The following ARHGAP26 variants were observed in gnomAD, a reference collection of about 807,000 sequenced individuals.
ARHGAP26 encodes the protein Rho GTPase activating protein 26, also known as rho GTPase-activating protein 26.
A neutral mutation model predicts 104.8 loss-of-function variants in ARHGAP26; 38 were observed. The ratio of observed to expected loss-of-function variants is 0.36; its 90% confidence interval spans 0.28 to 0.48. The LOEUF (loss-of-function observed/expected upper bound fraction) is 0.48. Ranked by LOEUF, ARHGAP26 falls within the 20% of genes least tolerant of loss-of-function variation. The pLI is 0.99. For missense variants in ARHGAP26, 704 were observed against 947.9 expected, an observed-to-expected ratio of 0.74 and a Z score of 3.38; for synonymous variants, 341 against 340.0, an observed-to-expected ratio of 1.00 and a Z score of -0.03.
chr5:143,157,329 T>C (rs1800605702), intron 20 of ARHGAP26, among the ~76,000 whole-genome samples: 1 of 151,944 alleles, frequency 6.6e-6, no homozygotes. Flanking sequence ...GGTGCACACC[T>C]CCACATCCAG....
At chr5:143,096,440 A>G (rs545367666) in intron 17 of ARHGAP26, among the ~76,000 whole-genome samples, 1 of 152,328 alleles carries the variant, frequency 6.6e-6, no homozygotes, top group African/African-American at 2.4e-5. Context: ...GTGTCTGCCA[A>G]ATACCCAAGT....
chr5:143,177,645 A>G (rs1181227918), intron 20 of ARHGAP26, among the ~76,000 whole-genome samples: 1 of 152,150 alleles, frequency 6.6e-6, no homozygotes, highest in Non-Finnish European at 1.5e-5. Flanking sequence ...ACTACAAAAT[A>G]TATTTATAGT....
At chr5:142,858,061 C>CGTG (rs1167077850) in intron 1 of ARHGAP26, among the ~76,000 whole-genome samples, 3 of 134,316 alleles carry the variant, frequency 2.2e-5, no homozygotes, top group Admixed American at 1.5e-4. Context: ...GAGAGAGAAT[C>CGTG]TGTGTGTGTG....
At chr5:142,961,212 T>C (rs1770167090) in intron 11 of ARHGAP26, among the ~76,000 whole-genome samples, 1 of 152,122 alleles carries the variant, frequency 6.6e-6, no homozygotes, top group Non-Finnish European at 1.5e-5. Flanking sequence ...GGATCCACGC[T>C]GGGCACGGTG....
intron 1 of ARHGAP26, among the ~76,000 whole-genome samples, chr5:142,831,148 T>G (rs1768343180): frequency 2.6e-5 from 4 of 152,198 alleles, no homozygotes; most frequent in African/African-American, 9.7e-5. Context: ...GGTTCCCTGA[T>G]TTGCTGTCTC....
intron 20 of ARHGAP26, among the ~76,000 whole-genome samples, chr5:143,161,782 A>G (rs1201375667): frequency 1.3e-5 from 2 of 152,226 alleles, no homozygotes; most frequent in Admixed American, 6.5e-5. Flanking sequence ...GTTTGTGATT[A>G]TGCTAAAAAG....
intron 17 of ARHGAP26, among the ~76,000 whole-genome samples, chr5:143,090,596 C>T (rs1350446254): frequency 2.0e-5 from 3 of 152,096 alleles, no homozygotes; most frequent in Non-Finnish European, 4.4e-5. Flanking sequence ...AAACCTCAGC[C>T]CCCATAGAAG....
intron 1 of ARHGAP26, among the ~76,000 whole-genome samples, chr5:142,869,382 TA>T (rs1374566087): frequency 8.4e-5 from 12 of 142,182 alleles, no homozygotes; most frequent in African/African-American, 3.3e-4. Flanking sequence ...TATTTTATTT[TA>T]TTTTTTTTTG....
At chr5:143,138,258 TC>T (rs1343449675) in intron 19 of ARHGAP26, among the ~76,000 whole-genome samples, 1 of 152,142 alleles carries the variant, frequency 6.6e-6, no homozygotes. Flanking sequence ...GGGACTTAGG[TC>T]AGTTATAAGA....
chr5:142,945,782 A>G (rs1400760416), intron 11 of ARHGAP26, among the ~76,000 whole-genome samples: 1 of 152,250 alleles, frequency 6.6e-6, no homozygotes, highest in Non-Finnish European at 1.5e-5. Flanking sequence ...ACACAGTACA[A>G]TGATCAGACC....
At chr5:143,083,455 A>AT (rs773937520) in intron 17 of ARHGAP26, among the ~76,000 whole-genome samples, 13 of 152,164 alleles carry the variant, frequency 8.5e-5, no homozygotes, top group Non-Finnish European at 1.6e-4. Context: ...CACAGTAAAT[A>AT]TTTTTTGAGT....
At chr5:143,035,311 T>A (rs1295675947) in intron 12 of ARHGAP26, among the ~76,000 whole-genome samples, 1 of 152,102 alleles carries the variant, frequency 6.6e-6, no homozygotes, top group African/African-American at 2.4e-5. Context: ...AGTCAACAAG[T>A]GGATAAAGAA....
chr5:143,116,193 G>A lies in ARHGAP26; in HGVS notation c.1539-4795G>A, dbSNP rs929912290. ...GCTACTATTATAGAGTTATTATATA[G>A]GTCAGATAAATGTAAAAAGTTGTTG... On this transcript the variant is annotated intron_variant, in intron 17 of 22. Transcript: ENST00000645722. Among the ~76,000 whole-genome samples, 6 of 152,248 alleles carry A rather than the reference G, an allele frequency of 3.9e-5. No homozygotes were observed. The South Asian group carries it at 1.2e-3, about 32-fold the overall frequency.
chr5:142,913,335 A>T (rs772380647), intron 10 of ARHGAP26, 42 bp downstream of exon 10: 201 of 1,547,770 alleles, frequency 1.3e-4, no homozygotes, highest in Non-Finnish European at 1.7e-4. Flanking sequence ...AATAGAGCTG[A>T]ATTTCTATAT....
chr5:143,139,977 C>A (rs551355493), intron 19 of ARHGAP26, among the ~76,000 whole-genome samples: 35 of 152,312 alleles, frequency 2.3e-4, no homozygotes, highest in African/African-American at 8.2e-4. Context: ...AGGATTTATT[C>A]TGTCCCAAAT....
At chr5:142,797,430 C>T (rs1485247925) in intron 1 of ARHGAP26, among the ~76,000 whole-genome samples, 1 of 152,208 alleles carries the variant, frequency 6.6e-6, no homozygotes, top group African/African-American at 2.4e-5. Context: ...GAAGCTGTCC[C>T]TCAAAGGTGA....
Position 143,058,821 on chromosome 5 carries a change from A to G in ARHGAP26, c.1538+1074A>G, listed in dbSNP as rs557078812. On this transcript the variant is annotated intron_variant, in intron 17 of 22. Transcript: ENST00000645722. ...ATTTCCTCATTTCCATCAAGAAGCC[A>G]AGAGTGTCTTGTGTGTTATTGGGAA... is the stretch of plus-strand genomic sequence containing the variant. Among the ~76,000 whole-genome samples the G allele has an allele frequency of 3.9e-5, 6 of 152,340 alleles. No homozygotes were observed. In the East Asian group the frequency reaches 1.2e-3, roughly 29 times the overall value.
intron 1 of ARHGAP26, among the ~76,000 whole-genome samples, chr5:142,772,095 G>A (rs1755325535): frequency 6.6e-6 from 1 of 152,226 alleles, no homozygotes; most frequent in African/African-American, 2.4e-5. Flanking sequence ...GAGTAGAGTC[G>A]TAGCTGTGGG....
intron 11 of ARHGAP26, among the ~76,000 whole-genome samples, chr5:142,998,729 C>T (rs941154938): frequency 1.4e-4 from 22 of 151,964 alleles, no homozygotes; most frequent in Admixed American, 1.3e-3. Flanking sequence ...GTTTCCCCAC[C>T]CCCTAAAAAA....
Sources: gnomAD v4.1 joint callset for allele counts (sites outside exome capture counted in the v4.1 genomes callset) on GRCh38, gnomAD v4.1.1 for gene constraint, MANE v1.5 for transcripts, NCBI Gene and HGNC (gene_info 2026-07-23, HGNC 2026-07-21) for gene names.